PKP2: variants seen among roughly 807,000 people sequenced by gnomAD.
PKP2 encodes plakophilin-2.
PKP2 carries 73 observed loss-of-function variants against 83.4 expected under a neutral mutation model. That is an observed-to-expected ratio of 0.88 (90% confidence interval 0.72 to 1.06). PKP2 has a LOEUF of 1.06. Ranked by LOEUF, PKP2 falls within the 50% of genes least tolerant of loss-of-function variation. The pLI is 0.00. For synonymous variants in PKP2, 409 were observed against 430.4 expected, an observed-to-expected ratio of 0.95 and a Z score of 0.62; for missense variants, 966 against 1,065.4, an observed-to-expected ratio of 0.91 and a Z score of 1.30.
intron 5 of PKP2, among the ~76,000 whole-genome samples, chr12:32,846,193 AT>A (rs1956643535): frequency 6.6e-6 from 1 of 152,174 alleles, no homozygotes; most frequent in Admixed American, 6.5e-5. Context: ...AATCCAAGGC[AT>A]ATCCCTGCTC....
intron 4 of PKP2, among the ~76,000 whole-genome samples, chr12:32,856,702 T>C (rs1956752903): frequency 1.3e-5 from 2 of 151,634 alleles, no homozygotes; most frequent in African/African-American, 4.9e-5. Context: ...TGTATACATA[T>C]GTAACAAACC....
intron 4 of PKP2, among the ~76,000 whole-genome samples, chr12:32,854,643 C>T (rs556953096): frequency 7.0e-4 from 107 of 152,206 alleles, no homozygotes; most frequent in African/African-American, 2.5e-3. Flanking sequence ...ATTTTTCCCT[C>T]CTTTGGGAAA....
chr12:32,834,976 C>CCTGTGT (rs3221355), intron 6 of PKP2, among the ~76,000 whole-genome samples: 1 of 119,446 alleles, frequency 8.4e-6, no homozygotes, highest in East Asian at 2.4e-4. Context: ...TCACAATAGG[C>CCTGTGT]GTGTGTGTGT....
intron 6 of PKP2, among the ~76,000 whole-genome samples, chr12:32,824,629 T>C (rs1044010396): frequency 1.3e-5 from 2 of 152,220 alleles, no homozygotes; most frequent in Non-Finnish European, 2.9e-5. Context: ...TTCTTTGTGG[T>C]TTTCTAAATT....
At chr12:32,834,976 C>CGCGT (rs1956531594) in intron 6 of PKP2, among the ~76,000 whole-genome samples, 1 of 119,446 alleles carries the variant, frequency 8.4e-6, no homozygotes, top group African/African-American at 3.1e-5. Context: ...TCACAATAGG[C>CGCGT]GTGTGTGTGT....
intron 9 of PKP2, among the ~76,000 whole-genome samples, chr12:32,803,832 T>C (rs1341423973): frequency 6.6e-6 from 1 of 152,236 alleles, no homozygotes; most frequent in Non-Finnish European, 1.5e-5. Flanking sequence ...TGAAATAGTT[T>C]ATATACGAGG....
intron 9 of PKP2, among the ~76,000 whole-genome samples, chr12:32,809,783 G>A (rs1242693837): frequency 2.6e-5 from 4 of 152,150 alleles, no homozygotes; most frequent in African/African-American, 4.8e-5. Flanking sequence ...TGGGCGGGTC[G>A]CACAATCGGT....
rs1565572439 is a variant in PKP2 at position 32,796,306 on chromosome 12, A to G, written c.2168-8T>C. On this transcript the variant is annotated splice_region_variant and splice_polypyrimidine_tract_variant and intron_variant, in intron 10 of 12. Transcript: ENST00000340811. Reference sequence around the variant, plus strand: ...CAGGGAGAGTTTCTTTGGCTACAAAATGAAAAAAAAAACAAAACACTTGAT... The same window carrying G: ...CAGGGAGAGTTTCTTTGGCTACAAAGTGAAAAAAAAAACAAAACACTTGAT... 6.3e-7 allele frequency: 1 copy of G among 1,590,350 alleles called. No individual in the cohort carries two copies. The highest frequency in any genetic ancestry group is 8.6e-7 in the Non-Finnish European group (1 of 1,165,536).
At chr12:32,866,355 C>T (rs1471321846) in intron 4 of PKP2, among the ~76,000 whole-genome samples, 3 of 151,840 alleles carry the variant, frequency 2.0e-5, no homozygotes, top group Middle Eastern at 3.4e-3. Context: ...GAGTTGGAGA[C>T]CAGCTTGGGC....
At chr12:32,854,208 T>C (rs1388088748) in intron 4 of PKP2, among the ~76,000 whole-genome samples, 1 of 152,240 alleles carries the variant, frequency 6.6e-6, no homozygotes, top group Admixed American at 6.5e-5. Flanking sequence ...AGAAGTGGCA[T>C]ACGGAAGCCT....
At chr12:32,833,215 C>T (rs1305670203) in intron 6 of PKP2, among the ~76,000 whole-genome samples, 4 of 152,072 alleles carry the variant, frequency 2.6e-5, no homozygotes, top group Non-Finnish European at 4.4e-5. Flanking sequence ...TGCACTCCAG[C>T]CAGGGTGACA....
chr12:32,830,757 T>G (rs180762172), intron 6 of PKP2, among the ~76,000 whole-genome samples: 180 of 152,066 alleles, frequency 1.2e-3, no homozygotes, highest in African/African-American at 4.2e-3. Flanking sequence ...AATAAAAAAA[T>G]TAGCTGGGTG....
chr12:32,886,067 A>T (rs1392297284), intron 1 of PKP2, among the ~76,000 whole-genome samples: 2 of 152,220 alleles, frequency 1.3e-5, no homozygotes, highest in Non-Finnish European at 2.9e-5. Flanking sequence ...GTTAAATGTA[A>T]CCACAGAAAT....
chr12:32,802,337 A>T (rs1956188816), intron 10 of PKP2, 66 bp downstream of exon 10: 1 of 1,506,814 alleles, frequency 6.6e-7, no homozygotes, highest in African/African-American at 1.4e-5. Flanking sequence ...GGTGATACAG[A>T]CAACATTTCA....
At chr12:32,873,947 A>G (rs192315374) in intron 3 of PKP2, among the ~76,000 whole-genome samples, 120 of 151,946 alleles carry the variant, frequency 7.9e-4, no homozygotes, top group African/African-American at 2.8e-3. Flanking sequence ...TTCATCTATA[A>G]TTTTTTTTGT....
intron 10 of PKP2, among the ~76,000 whole-genome samples, chr12:32,801,351 C>T (rs56798911): frequency 0.21 from 31,274 of 152,056 alleles, 3,886 homozygotes; most frequent in East Asian, 0.57. Flanking sequence ...AATACACTGC[C>T]ATTGAAGTTC....
chr12:32,805,057 T>C (rs1956215581), intron 9 of PKP2, among the ~76,000 whole-genome samples: 1 of 152,208 alleles, frequency 6.6e-6, no homozygotes, highest in East Asian at 1.9e-4. Context: ...TGATCAGTGA[T>C]GTTGAGCTTT....
chr12:32,791,931 C>CTT lies in PKP2; in HGVS notation c.*491_*492dup, dbSNP rs1475903104. 1 of 170,168 alleles carries CTT rather than the reference C, an allele frequency of 5.9e-6. No individual in the cohort carries two copies. The highest frequency in any genetic ancestry group is 2.4e-5 in the African/African-American group (1 of 41,528). 10.5% of individuals were successfully genotyped at this position (170,168 alleles called of 1,614,324 possible). A position where few individuals can be genotyped will look rare whatever the true frequency, so the allele number is the denominator to read the frequency against. On this transcript the variant is annotated 3_prime_UTR_variant, in exon 13 of 13. Coordinates refer to ENST00000340811, the MANE Select transcript of PKP2 (RefSeq NM_001005242.3). ...AGAAACCAATAATTTTGCCATTATA[C>CTT]TTTCTCCTGGATAACTGCAGATATT...
intron 1 of PKP2, among the ~76,000 whole-genome samples, chr12:32,880,560 T>C (rs567612605): frequency 6.6e-5 from 10 of 152,256 alleles, no homozygotes; most frequent in Admixed American, 6.5e-4. Flanking sequence ...AAATGGCTGC[T>C]TTTGTGGAAT....
Sources: gnomAD v4.1 joint callset for allele counts (sites outside exome capture counted in the v4.1 genomes callset) on GRCh38, gnomAD v4.1.1 for gene constraint, MANE v1.5 for transcripts, NCBI Gene and HGNC (gene_info 2026-07-23, HGNC 2026-07-21) for gene names.